The following GABRG3 variants were observed in gnomAD, a reference collection of about 807,000 sequenced individuals.
The protein encoded by GABRG3 is gamma-aminobutyric acid receptor subunit gamma-3.
GABRG3 carries 25 observed loss-of-function variants against 48.8 expected under a neutral mutation model. The ratio of observed to expected loss-of-function variants is 0.51; its 90% CI spans 0.37 to 0.72. The LOEUF is 0.72. Among genes scored for constraint, GABRG3 ranks in the 30% least tolerant of loss-of-function variants. GABRG3 has a pLI of 0.00. For missense variants in GABRG3, 394 were observed against 577.9 expected, an observed-to-expected ratio of 0.68 and a Z score of 3.26; for synonymous variants, 227 against 217.6, an observed-to-expected ratio of 1.04 and a Z score of -0.38.
chr15:27,366,369 G>A (rs537364013), intron 5 of GABRG3: 1 of 152,158 alleles, frequency 6.6e-6, no homozygotes, highest in Non-Finnish European at 1.5e-5. Context: ...AAGCTCTTGG[G>A]TGAAAATAAT....
chr15:27,421,006 ACT>A lies in GABRG3; in HGVS notation c.575-59641_575-59640del, dbSNP rs1244061396. Among the ~76,000 whole-genome samples, 7 of 152,218 alleles carry A rather than the reference ACT, an allele frequency of 4.6e-5. No homozygotes were observed. In the East Asian group the frequency reaches 1.2e-3, roughly 25 times the overall value. ...CGAATTTAAAACAAACAAAAAAGAA[ACT>A]CTTAAATTTTGTGGAAAAGCATGGA... On this transcript the variant is annotated intron_variant, in intron 5 of 9. Transcript: ENST00000615808.
At chr15:27,144,953 C>T (rs917220502) in intron 3 of GABRG3, among the ~76,000 whole-genome samples, 1 of 152,110 alleles carries the variant, frequency 6.6e-6, no homozygotes, top group Non-Finnish European at 1.5e-5. Flanking sequence ...ACAGCCTTTA[C>T]AGAATTAGTT....
At chr15:27,284,533 A>G (rs1025719920) in intron 3 of GABRG3, among the ~76,000 whole-genome samples, 2 of 152,198 alleles carry the variant, frequency 1.3e-5, no homozygotes, top group Non-Finnish European at 2.9e-5. Context: ...CACACTGTCC[A>G]CAGAACCAGA....
rs112806577 is a variant in GABRG3, at chr15:27,500,991, C to CA, written c.713-18981_713-18980insA. ...TTTTTGAGACGGAGTCTCACTCTGTCCCCAGGCTGGAGTGCAGTGGCGCGA... is the reference window on the plus strand; with the variant it reads ...TTTTTGAGACGGAGTCTCACTCTGTCACCCAGGCTGGAGTGCAGTGGCGCGA... On this transcript the variant is annotated intron_variant, in intron 6 of 9. Transcript: ENST00000615808. Among the ~76,000 whole-genome samples the CA allele has an allele frequency of 6.1e-5, 8 of 132,162 alleles. No homozygotes were observed. In the East Asian group the frequency reaches 8.6e-4, roughly 14 times the overall value. 86.7% of individuals were successfully genotyped at this position (132,162 alleles called of 152,430 possible).
At position 27,088,711 on chromosome 15, in the gene GABRG3, A is replaced by G. The variant is rs1391221649; in HGVS notation, c.270+61890A>G. Among the ~76,000 whole-genome samples, 3 of 152,078 alleles carry G rather than the reference A, an allele frequency of 2.0e-5. No individual in the cohort carries two copies. The East Asian group carries it at 5.8e-4, about 29-fold the overall frequency. On this transcript the variant is annotated intron_variant, in intron 3 of 9. Coordinates refer to ENST00000615808, the MANE Select transcript of GABRG3 (RefSeq NM_033223.5). The stretch of plus-strand genomic sequence containing the variant: ...GAGGTAAACAACCAGAGCTCCTGAG[A>G]ACTCACTATGGAGAGCAGCATGGGG...
intron 5 of GABRG3, among the ~76,000 whole-genome samples, chr15:27,434,322 AT>A (rs1198123489): frequency 1.3e-5 from 2 of 152,210 alleles, no homozygotes; most frequent in African/African-American, 4.8e-5. Context: ...ATTCTAAAAA[AT>A]AACTTGTCCT....
At chr15:27,418,807 C>G (rs1888020455) in intron 5 of GABRG3, 1 of 152,156 alleles carries the variant, frequency 6.6e-6, no homozygotes, top group Non-Finnish European at 1.5e-5. Context: ...AATCTTTAAA[C>G]CAGATTTTAT....
At chr15:27,427,532 CAGA>C (rs1409983985) in intron 5 of GABRG3, among the ~76,000 whole-genome samples, 1 of 152,188 alleles carries the variant, frequency 6.6e-6, no homozygotes, top group East Asian at 1.9e-4. Flanking sequence ...AGGCCTGACA[CAGA>C]AGAAGTATGT....
At chr15:27,433,294 T>G (rs1888510832) in intron 5 of GABRG3, among the ~76,000 whole-genome samples, 2 of 152,176 alleles carry the variant, frequency 1.3e-5, no homozygotes, top group Admixed American at 1.3e-4. Context: ...CAACACAAAT[T>G]TATTATTTTC....
intron 5 of GABRG3, among the ~76,000 whole-genome samples, chr15:27,432,257 T>C (rs74006939): frequency 0.042 from 6,366 of 152,334 alleles, 437 homozygotes; most frequent in African/African-American, 0.15. Context: ...GCTGCTTTCC[T>C]TCATCCTACC....
At chr15:27,159,609 C>T (rs779011072) in intron 3 of GABRG3, among the ~76,000 whole-genome samples, 1 of 152,122 alleles carries the variant, frequency 6.6e-6, no homozygotes, top group East Asian at 1.9e-4. Context: ...TTTGATTATT[C>T]GTTCTCAGCT....
intron 2 of GABRG3, among the ~76,000 whole-genome samples, chr15:27,008,745 C>T (rs534529076): frequency 2.6e-5 from 4 of 151,938 alleles, no homozygotes; most frequent in South Asian, 4.2e-4. Flanking sequence ...AATATTAATC[C>T]GGTAAATGGC....
intron 3 of GABRG3, among the ~76,000 whole-genome samples, chr15:27,133,932 T>C (rs1178709611): frequency 6.6e-6 from 1 of 152,246 alleles, no homozygotes; most frequent in Non-Finnish European, 1.5e-5. Context: ...CATTTGAAGT[T>C]CTTTGGACTT....
intron 3 of GABRG3, among the ~76,000 whole-genome samples, chr15:27,200,069 C>T (rs1888631883): frequency 1.4e-5 from 2 of 145,980 alleles, no homozygotes; most frequent in South Asian, 4.3e-4. Context: ...TCCTTCCTTT[C>T]TTTCCAGAAT....
intron 3 of GABRG3, among the ~76,000 whole-genome samples, chr15:27,213,952 T>TA (rs1361373844): frequency 2.0e-5 from 3 of 152,222 alleles, no homozygotes; most frequent in Non-Finnish European, 2.9e-5. Context: ...CAAAGTTTGT[T>TA]ACGGAGTGCT....
intron 3 of GABRG3, among the ~76,000 whole-genome samples, chr15:27,251,857 C>G (rs1036839438): frequency 2.0e-5 from 3 of 152,134 alleles, no homozygotes; most frequent in South Asian, 2.1e-4. Context: ...GGTCCTACCC[C>G]CTGTCTCTGC....
chr15:27,359,229 G>C (rs1894943395), intron 5 of GABRG3, among the ~76,000 whole-genome samples: 1 of 152,248 alleles, frequency 6.6e-6, no homozygotes, highest in African/African-American at 2.4e-5. Flanking sequence ...AAGGAGGGGT[G>C]CCCTCCCCGC....
chr15:27,272,138 G>A (rs76492383), intron 3 of GABRG3, among the ~76,000 whole-genome samples: 2,553 of 152,350 alleles, frequency 0.017, 75 homozygotes, highest in African/African-American at 0.058. Context: ...GTCCTCAGAG[G>A]CTAGTGGATT....
At chr15:27,150,433 G>A (rs1194355534) in intron 3 of GABRG3, among the ~76,000 whole-genome samples, 6 of 152,028 alleles carry the variant, frequency 3.9e-5, no homozygotes, top group Middle Eastern at 3.2e-3. Context: ...TTAGTTCAGC[G>A]TTTCTCAAAA....
Sources: allele counts gnomAD v4.1 joint callset (sites outside exome capture counted in the v4.1 genomes callset), GRCh38; gene constraint gnomAD v4.1.1; transcripts MANE v1.5; gene names NCBI Gene and HGNC (gene_info 2026-07-23, HGNC 2026-07-21).